Variants in FAM13B observed in about 807,000 individuals in gnomAD.
FAM13B encodes the protein family with sequence similarity 13 member B, also known as protein FAM13B.
A neutral mutation model predicts 117.3 loss-of-function variants in FAM13B; 60 were observed. The ratio of observed to expected loss-of-function variants is 0.51; its 90% CI spans 0.42 to 0.63. The LOEUF (loss-of-function observed/expected upper bound fraction) is 0.63, where lower values mean the gene tolerates loss of function less well. Among genes scored for constraint, FAM13B ranks in the 30% least tolerant of loss-of-function variants. The pLI is 0.00. For synonymous variants in FAM13B, 332 were observed against 356.1 expected (o/e 0.93, Z 0.76); for missense variants, 972 against 1,091.9 (o/e 0.89, Z 1.55).
intron 14 of FAM13B, 105 bp downstream of exon 14, chr5:137,956,372 C>G: frequency 1.6e-6 from 1 of 626,522 alleles, no homozygotes; most frequent in Non-Finnish European, 2.5e-6. Flanking sequence ...GAACCCAGAA[C>G]AGTTTTCCTA....
intron 20 of FAM13B, among the ~76,000 whole-genome samples, chr5:137,944,597 C>G (rs1322276391): frequency 6.6e-6 from 1 of 151,846 alleles, no homozygotes; most frequent in East Asian, 1.9e-4. Flanking sequence ...GAAACCCTGT[C>G]TCTACTAAAA....
chr5:137,978,612 C>T (rs1581155678), intron 10 of FAM13B, among the ~76,000 whole-genome samples: 1 of 152,146 alleles, frequency 6.6e-6, no homozygotes, highest in East Asian at 1.9e-4. Context: ...TTTTTTCCTC[C>T]TTTTACCTCT....
chr5:138,023,144 C>T (rs774347578), intron 1 of FAM13B, among the ~76,000 whole-genome samples: 3 of 152,154 alleles, frequency 2.0e-5, no homozygotes, highest in Non-Finnish European at 4.4e-5. Context: ...CTACTACCTG[C>T]AACCTCTAAC....
chr5:138,012,600 TA>T (rs765670757), intron 4 of FAM13B, among the ~76,000 whole-genome samples: 31 of 152,202 alleles, frequency 2.0e-4, no homozygotes, highest in Non-Finnish European at 4.0e-4. Context: ...TTAGGCCTTG[TA>T]TTTATCGTGT....
chr5:137,948,399 T>C (rs1764015020), intron 18 of FAM13B, among the ~76,000 whole-genome samples: 1 of 151,872 alleles, frequency 6.6e-6, no homozygotes, highest in South Asian at 2.1e-4. Flanking sequence ...GTCTGTTTCA[T>C]GCTTTATTTA....
chr5:138,009,087 C>A (rs1490951226), intron 6 of FAM13B, among the ~76,000 whole-genome samples: 1 of 152,148 alleles, frequency 6.6e-6, no homozygotes, highest in Non-Finnish European at 1.5e-5. Flanking sequence ...TTGCAGTGAG[C>A]CAAGATCGCA....
At chr5:137,973,519 T>A (rs551781937) in intron 10 of FAM13B, among the ~76,000 whole-genome samples, 2 of 152,108 alleles carry the variant, frequency 1.3e-5, no homozygotes, top group Non-Finnish European at 2.9e-5. Flanking sequence ...GAAGAAAACC[T>A]AGGCATTACC....
intron 1 of FAM13B, among the ~76,000 whole-genome samples, chr5:138,024,818 G>C (rs200780798): frequency 0.57 from 63,737 of 111,496 alleles, 14,079 homozygotes; most frequent in East Asian, 0.7. Context: ...CACACAGAGA[G>C]AGAGAGAGAG....
intron 6 of FAM13B, among the ~76,000 whole-genome samples, chr5:138,007,962 T>G (rs1030471262): frequency 7.9e-5 from 12 of 152,176 alleles, no homozygotes; most frequent in Non-Finnish European, 1.6e-4. Flanking sequence ...GCTAGAAAAA[T>G]GCAATAGAAA....
intron 10 of FAM13B, among the ~76,000 whole-genome samples, chr5:137,979,062 G>A (rs1263976470): frequency 1.3e-5 from 2 of 150,694 alleles, no homozygotes; most frequent in East Asian, 3.9e-4. Context: ...ACCCAGGCTG[G>A]AGTGCAGTGG....
chr5:138,002,055 A>G (rs191231760), intron 7 of FAM13B, among the ~76,000 whole-genome samples: 1 of 152,348 alleles, frequency 6.6e-6, no homozygotes, highest in African/African-American at 2.4e-5. Context: ...AACCAAAGGA[A>G]TGAAACGCTC....
chr5:137,981,391 T>C (rs1775708159), intron 10 of FAM13B, among the ~76,000 whole-genome samples: 1 of 151,956 alleles, frequency 6.6e-6, no homozygotes, highest in African/African-American at 2.4e-5. Context: ...GAGGTTACAG[T>C]GAGTATGATC....
Position 137,939,316 on chromosome 5 carries a change from T to G in FAM13B, c.*909A>C, listed in dbSNP as rs1389121884. 6.6e-6 allele frequency: 1 copy of G among 152,658 alleles called. No homozygotes were observed. Among genetic ancestry groups the G allele is most frequent in the East Asian group, 1.9e-4 (1 of 5,208 alleles). 9.5% of individuals were successfully genotyped at this position (152,658 alleles called of 1,614,324 possible). ...ACAGATTTACTTTAGGCATAATATT[T>G]TGCTGATTTAAGCCCATTGATTGAA... On this transcript the variant is annotated 3_prime_UTR_variant, in exon 24 of 24. Transcript: ENST00000689681.
intron 1 of FAM13B, among the ~76,000 whole-genome samples, chr5:138,024,833 AGAAAGAGAGAG>A (rs1561543345): frequency 6.8e-6 from 1 of 147,538 alleles, no homozygotes; most frequent in Non-Finnish European, 1.5e-5. Flanking sequence ...AGAGAGAGAG[AGAAAGAGAGAG>A]AGAGAGAGTT....
At chr5:138,028,917 G>T (rs1303134988) in intron 1 of FAM13B, among the ~76,000 whole-genome samples, 1 of 152,206 alleles carries the variant, frequency 6.6e-6, no homozygotes, top group African/African-American at 2.4e-5. Flanking sequence ...TACTTGGGAG[G>T]ATGAGGCAGG....
intron 10 of FAM13B, among the ~76,000 whole-genome samples, chr5:137,963,760 C>T (rs1768855229): frequency 6.6e-6 from 1 of 152,186 alleles, no homozygotes; most frequent in African/African-American, 2.4e-5. Flanking sequence ...CGCCTCCAGT[C>T]ATATGAGTGC....
At chr5:137,986,484 TGAGG>T (rs1777281725) in intron 9 of FAM13B, among the ~76,000 whole-genome samples, 1 of 150,050 alleles carries the variant, frequency 6.7e-6, no homozygotes, top group African/African-American at 2.5e-5. Context: ...CCACGGTCTC[TGAGG>T]GAGGCACACA....
intron 7 of FAM13B, among the ~76,000 whole-genome samples, chr5:137,995,342 T>A (rs938487305): frequency 1.9e-4 from 29 of 152,346 alleles, no homozygotes; most frequent in African/African-American, 6.3e-4. Context: ...CTCAAAAATA[T>A]ATAAGCCTAA....
intron 1 of FAM13B, 156 bp downstream of exon 1, chr5:138,032,626 G>T: frequency 1.4e-6 from 1 of 707,538 alleles, no homozygotes; most frequent in Non-Finnish European, 1.7e-6. Context: ...CCTCTCCACG[G>T]AACGCCCCAC....
Sources: allele counts gnomAD v4.1 joint callset (sites outside exome capture counted in the v4.1 genomes callset), GRCh38; gene constraint gnomAD v4.1.1; transcripts MANE v1.5; gene names NCBI Gene and HGNC (gene_info 2026-07-23, HGNC 2026-07-21).